KCNH1: variants seen among roughly 807,000 people sequenced by gnomAD.
KCNH1 encodes the protein potassium voltage-gated channel subfamily H member 1, also known as voltage-gated delayed rectifier potassium channel KCNH1.
A neutral mutation model predicts 69.2 loss-of-function variants in KCNH1; 27 were observed. That is an observed-to-expected ratio of 0.39 (90% CI 0.29 to 0.54). KCNH1 has a LOEUF of 0.54. Among genes scored for constraint, KCNH1 ranks in the 20% least tolerant of loss-of-function variants. KCNH1 has a pLI of 0.68. For synonymous variants in KCNH1, 456 were observed against 487.7 expected (o/e 0.93, Z 0.86); for missense variants, 798 against 1,261.6 (o/e 0.63, Z 5.57).
chr1:210,711,839 GTA>G (rs920527949), intron 10 of KCNH1, among the ~76,000 whole-genome samples: 25 of 152,318 alleles, frequency 1.6e-4, no homozygotes, highest in African/African-American at 6.0e-4. Context: ...TGCTGAAGGA[GTA>G]TATGATGAAG....
At chr1:210,956,763 C>T (rs1412324266) in intron 6 of KCNH1, among the ~76,000 whole-genome samples, 1 of 151,866 alleles carries the variant, frequency 6.6e-6, no homozygotes, top group African/African-American at 2.4e-5. Context: ...GGTGATATCC[C>T]CTTTTCATTT....
At chr1:210,820,133 A>C (rs1684900178) in intron 7 of KCNH1, among the ~76,000 whole-genome samples, 1 of 152,262 alleles carries the variant, frequency 6.6e-6, no homozygotes, top group African/African-American at 2.4e-5. Context: ...TAGTTTTCAC[A>C]GAGGAATAGA....
chr1:210,902,752 A>T (rs1382682493), intron 7 of KCNH1, among the ~76,000 whole-genome samples: 1 of 152,250 alleles, frequency 6.6e-6, no homozygotes, highest in East Asian at 1.9e-4. Context: ...CTTTCTTAAG[A>T]TTTCTGGAAT....
intron 10 of KCNH1, among the ~76,000 whole-genome samples, chr1:210,696,037 T>C (rs1008513257): frequency 6.6e-6 from 1 of 152,322 alleles, no homozygotes; most frequent in South Asian, 2.1e-4. Context: ...CAGCAGTTTC[T>C]CTGGTCACTC....
chr1:210,899,421 GAATA>G (rs1471239564), intron 7 of KCNH1, among the ~76,000 whole-genome samples: 3 of 151,994 alleles, frequency 2.0e-5, no homozygotes, highest in Admixed American at 1.3e-4. Flanking sequence ...ATTCTTAAAT[GAATA>G]GATTTTTAAA....
chr1:210,907,957 C>T (rs889806558), intron 7 of KCNH1, among the ~76,000 whole-genome samples: 1 of 152,222 alleles, frequency 6.6e-6, no homozygotes, highest in African/African-American at 2.4e-5. Flanking sequence ...TACTGTGACT[C>T]TTTTCCATGT....
chr1:210,846,687 A>G lies in KCNH1; in HGVS notation c.1463-42521T>C, dbSNP rs1275969092. On this transcript the variant is annotated intron_variant, in intron 7 of 10. Transcript: ENST00000271751. ...AGGCACGGGCAAGGACTTCATGTCT[A>G]AAACACCAAAAGCAATGGCAACAAA... Among the ~76,000 whole-genome samples, 3 of 152,218 alleles carry G rather than the reference A, an allele frequency of 2.0e-5. No homozygotes were observed. The East Asian group carries it at 5.8e-4, about 29-fold the overall frequency.
intron 7 of KCNH1, among the ~76,000 whole-genome samples, chr1:210,810,095 T>C (rs1684671735): frequency 6.6e-6 from 1 of 152,176 alleles, no homozygotes; most frequent in African/African-American, 2.4e-5. Context: ...TGAGACATCT[T>C]CTAATAGCTT....
chr1:210,823,964 CTTG>C (rs145764488), intron 7 of KCNH1, among the ~76,000 whole-genome samples: 1,765 of 56,318 alleles, frequency 0.031, 31 homozygotes, highest in African/African-American at 0.13. Flanking sequence ...GGCTTTTTTA[CTTG>C]TTGTTGTTGT....
At chr1:210,753,076 T>A (rs567865824) in intron 10 of KCNH1, among the ~76,000 whole-genome samples, 17 of 152,256 alleles carry the variant, frequency 1.1e-4, no homozygotes, top group African/African-American at 3.6e-4. Flanking sequence ...TCAAAGGAAA[T>A]GTGGCCCTAC....
intron 10 of KCNH1, among the ~76,000 whole-genome samples, chr1:210,751,109 T>C (rs1683274272): frequency 1.3e-5 from 2 of 152,202 alleles, no homozygotes; most frequent in African/African-American, 2.4e-5. Context: ...TGTGGTTCTA[T>C]AGAGAGGAGA....
intron 6 of KCNH1, among the ~76,000 whole-genome samples, chr1:211,013,259 A>G (rs1483034535): frequency 7.2e-5 from 11 of 152,234 alleles, no homozygotes. Context: ...AGCAGGGAAT[A>G]GTGAGCCTAG....
rs567767179 is a variant in KCNH1 at position 210,712,129 on chromosome 1, T to A, written c.2113-27991A>T. Among the ~76,000 whole-genome samples, 5 of 152,242 alleles carry A rather than the reference T, an allele frequency of 3.3e-5. No individual in the cohort carries two copies. The East Asian group carries it at 9.6e-4, about 29-fold the overall frequency. On this transcript the variant is annotated intron_variant, in intron 10 of 10. Transcript: ENST00000271751. ...AGTCTAGCAAAGAACATAGATGAGA[T>A]GAAGTGGCCAGAAAAAAAGCCCTAT... is the stretch of plus-strand genomic sequence containing the variant.
At chr1:210,802,070 A>G (rs1684439816) in intron 8 of KCNH1, among the ~76,000 whole-genome samples, 1 of 152,186 alleles carries the variant, frequency 6.6e-6, no homozygotes, top group South Asian at 2.1e-4. Flanking sequence ...CAAGAAGGAT[A>G]ACAGGGTTGC....
intron 7 of KCNH1, among the ~76,000 whole-genome samples, chr1:210,863,378 C>T (rs942221455): frequency 3.3e-5 from 5 of 152,320 alleles, no homozygotes; most frequent in Admixed American, 3.3e-4. Context: ...TCCAAAATCA[C>T]ATTACTAGCT....
intron 7 of KCNH1, among the ~76,000 whole-genome samples, chr1:210,844,474 A>T (rs1488059051): frequency 1.3e-5 from 2 of 152,240 alleles, no homozygotes; most frequent in African/African-American, 2.4e-5. Context: ...CTCCTGAATG[A>T]CTACTGGGTA....
chr1:211,068,532 A>C (rs1167070230), intron 5 of KCNH1, among the ~76,000 whole-genome samples: 4 of 152,080 alleles, frequency 2.6e-5, no homozygotes, highest in Admixed American at 2.6e-4. Context: ...AGCAGCTAGG[A>C]CTATAGGCAC....
At chr1:210,752,410 G>A (rs191853090) in intron 10 of KCNH1, among the ~76,000 whole-genome samples, 17 of 152,242 alleles carry the variant, frequency 1.1e-4, no homozygotes, top group African/African-American at 2.2e-4. Flanking sequence ...GAATCTCTCC[G>A]TCAAGCAGAG....
chr1:210,838,921 AG>A (rs1419377702), intron 7 of KCNH1, among the ~76,000 whole-genome samples: 1 of 152,184 alleles, frequency 6.6e-6, no homozygotes, highest in Non-Finnish European at 1.5e-5. Context: ...AGATGCTGGC[AG>A]GGTTGCAGAG....
Sources: gnomAD v4.1 joint callset for allele counts (sites outside exome capture counted in the v4.1 genomes callset) on GRCh38, gnomAD v4.1.1 for gene constraint, MANE v1.5 for transcripts, NCBI Gene and HGNC (gene_info 2026-07-23, HGNC 2026-07-21) for gene names.